The following DMXL1 variants were observed in gnomAD, a reference collection of about 807,000 sequenced individuals.
DMXL1 encodes the protein dmX-like protein 1.
Under a neutral mutation model 319.2 loss-of-function variants are expected in DMXL1, and 99 were observed. The ratio of observed to expected loss-of-function variants is 0.31; its 90% confidence interval spans 0.26 to 0.37. The LOEUF (loss-of-function observed/expected upper bound fraction) is 0.37, where lower values mean the gene tolerates loss of function less well. Among genes scored for constraint, DMXL1 ranks in the 10% least tolerant of loss-of-function variants. The pLI is 1.00. For missense variants in DMXL1, 3,745 were observed against 3,595.6 expected, an observed-to-expected ratio of 1.04 and a Z score of -1.06; for synonymous variants, 1,385 against 1,235.2, an observed-to-expected ratio of 1.12 and a Z score of -2.54.
At chr5:119,160,943 C>A (rs1772133617) in intron 19 of DMXL1, among the ~76,000 whole-genome samples, 1 of 152,022 alleles carries the variant, frequency 6.6e-6, no homozygotes, top group South Asian at 2.1e-4. Context: ...GTGGATTATT[C>A]CAAATATTCG....
At chr5:119,240,739 C>T (rs1788618457) in intron 42 of DMXL1, among the ~76,000 whole-genome samples, 1 of 152,146 alleles carries the variant, frequency 6.6e-6, no homozygotes, top group African/African-American at 2.4e-5. Flanking sequence ...TCGTTGTAAA[C>T]ATGATGTAAA....
At chr5:119,178,622 A>G in intron 28 of DMXL1, 3 of 985,386 alleles carry the variant, frequency 3.0e-6, no homozygotes, top group Non-Finnish European at 3.6e-6. Context: ...GGTATTCTCC[A>G]TGGAATGTGT....
At chr5:119,071,684 C>G in intron 1 of DMXL1, 28 bp downstream of exon 1, 1 of 1,545,152 alleles carries the variant, frequency 6.5e-7, no homozygotes, top group Non-Finnish European at 8.7e-7. Flanking sequence ...TCGCGTCGCC[C>G]GTGGCCCGGC....
At chr5:119,185,209 C>T (rs1777499036) in intron 28 of DMXL1, among the ~76,000 whole-genome samples, 1 of 151,878 alleles carries the variant, frequency 6.6e-6, no homozygotes, top group Non-Finnish European at 1.5e-5. Flanking sequence ...CCTCTACCTC[C>T]TTCCCTTCTC....
At position 119,165,197 on chromosome 5, in the gene DMXL1, C is replaced by T; in HGVS notation, c.4887C>T (p.Ala1629=). 2 of 1,591,550 alleles carry T rather than the reference C, an allele frequency of 1.3e-6. No individual in the cohort carries two copies. The highest frequency in any genetic ancestry group is 2.3e-5 in the East Asian group (1 of 44,422). The change falls in exon 21 of 44, where the codon GCC becomes GCT. Residue 1629 remains alanine, a synonymous_variant. Transcript: ENST00000539542. ...RKCIEKVAKA[A]FYRKNDPLDA... ...TTTGATTATAGGTAGCTAAAGCAGC[C>T]TTTTATAGAAAGAATGATCCTTTAG...
intron 10 of DMXL1, chr5:119,132,547 G>A (rs990749413): frequency 1.5e-5 from 4 of 262,230 alleles, no homozygotes; most frequent in Non-Finnish European, 2.3e-5. Context: ...GGGCGCAGTG[G>A]CAGGCACCTG....
At chr5:119,097,163 G>C (rs1756154447) in intron 1 of DMXL1, among the ~76,000 whole-genome samples, 1 of 152,176 alleles carries the variant, frequency 6.6e-6, no homozygotes, top group African/African-American at 2.4e-5. Flanking sequence ...GAGAAGGAAA[G>C]AATAGCCTGA....
chr5:119,154,354 G>A (rs1198194959), intron 19 of DMXL1, among the ~76,000 whole-genome samples: 1 of 152,176 alleles, frequency 6.6e-6, no homozygotes, highest in Non-Finnish European at 1.5e-5. Context: ...AAAGGACAAG[G>A]TCCAAAGGAA....
chr5:119,219,047 A>T (rs542543213), intron 35 of DMXL1, among the ~76,000 whole-genome samples: 34 of 152,312 alleles, frequency 2.2e-4, no homozygotes, highest in Non-Finnish European at 4.3e-4. Context: ...CTGTTAGAAG[A>T]CATACGACTC....
intron 43 of DMXL1, 91 bp downstream of exon 43, chr5:119,244,667 TA>T (rs1789427081): frequency 2.4e-6 from 2 of 848,036 alleles, no homozygotes; most frequent in Admixed American, 5.2e-5. Flanking sequence ...TCTATTTAAA[TA>T]ATAGTTATAT....
intron 1 of DMXL1, among the ~76,000 whole-genome samples, chr5:119,096,926 T>G (rs191628399): frequency 5.6e-4 from 85 of 152,340 alleles, no homozygotes; most frequent in Middle Eastern, 3.4e-3. Context: ...GAATCCTTCC[T>G]TTTTGGAATT....
chr5:119,197,415 G>T (rs868719775), intron 31 of DMXL1, among the ~76,000 whole-genome samples: 7 of 152,186 alleles, frequency 4.6e-5, no homozygotes, highest in Middle Eastern at 3.2e-3. Flanking sequence ...GCCGCATGCA[G>T]CCTGTGGGCC....
chr5:119,240,105 C>T (rs955461406), intron 41 of DMXL1, among the ~76,000 whole-genome samples: 1 of 151,158 alleles, frequency 6.6e-6, no homozygotes, highest in African/African-American at 2.4e-5. Flanking sequence ...TCCATCTCTA[C>T]AAAAAAAAAT....
At chr5:119,168,897 C>G (rs1036159055) in intron 23 of DMXL1, among the ~76,000 whole-genome samples, 3 of 151,546 alleles carry the variant, frequency 2.0e-5, no homozygotes, top group Admixed American at 6.6e-5. Flanking sequence ...TGTCTTTTCT[C>G]TTTTCTTTCT....
chr5:119,227,051 G>T (rs1785714636), intron 38 of DMXL1, among the ~76,000 whole-genome samples: 2 of 152,086 alleles, frequency 1.3e-5, no homozygotes, highest in African/African-American at 4.8e-5. Flanking sequence ...GGAGGTTGGC[G>T]AGTGGAACTG....
At chr5:119,071,828 G>A (rs1749654272) in intron 1 of DMXL1, among the ~76,000 whole-genome samples, 172 bp downstream of exon 1, 1 of 152,128 alleles carries the variant, frequency 6.6e-6, no homozygotes, top group African/African-American at 2.4e-5. Flanking sequence ...GCAAAACCAT[G>A]TCGGTCAGTG....
chr5:119,214,119 T>G (rs1783263574), intron 34 of DMXL1, among the ~76,000 whole-genome samples: 1 of 152,124 alleles, frequency 6.6e-6, no homozygotes, highest in Non-Finnish European at 1.5e-5. Flanking sequence ...CTCAACTAAT[T>G]TCCCGAACTC....
In DMXL1 at chr5:119,233,373, T is replaced by A; in HGVS notation, c.8372T>A (p.Met2791Lys). Reference protein sequence around the residue: ...LTGAQDGSVRMFEWGHSQQIT... With the variant: ...LTGAQDGSVRKFEWGHSQQIT... ...GGAGCTCAAGATGGAAGTGTCAGAATGTTTGAATGGGGCCATTCTCAACAA... is the reference window on the plus strand; with the variant it reads ...GGAGCTCAAGATGGAAGTGTCAGAAAGTTTGAATGGGGCCATTCTCAACAA... Residue 2791 changes from methionine (M) to lysine (K), a missense_variant, in exon 39 of 44, where the codon ATG becomes AAG. Transcript: ENST00000539542. The A allele has an allele frequency of 6.2e-7, 1 of 1,613,160 alleles. No homozygotes were observed. Among genetic ancestry groups the A allele is most frequent in the Non-Finnish European group, 8.5e-7 (1 of 1,179,372 alleles).
chr5:119,077,785 GTGTA>G (rs1554080993), intron 1 of DMXL1, among the ~76,000 whole-genome samples: 3 of 139,208 alleles, frequency 2.2e-5, no homozygotes, highest in African/African-American at 7.9e-5. Context: ...GTGTGTGTGT[GTGTA>G]TATCTGTACT....
Sources: gnomAD v4.1 joint callset for allele counts (sites outside exome capture counted in the v4.1 genomes callset) on GRCh38, gnomAD v4.1.1 for gene constraint, MANE v1.5 for transcripts, NCBI Gene and HGNC (gene_info 2026-07-23, HGNC 2026-07-21) for gene names.